CAPN11: variants seen among roughly 807,000 people sequenced by gnomAD.
The protein encoded by CAPN11 is calpain 11.
In CAPN11, 108 loss-of-function variants were observed where a neutral mutation model predicts 105.3. That is an observed-to-expected ratio of 1.03 (90% CI 0.88 to 1.20). The LOEUF is 1.20. CAPN11 is among the 50% of genes most tolerant of loss of function. The pLI, the probability that CAPN11 is intolerant of heterozygous loss-of-function variation, is 0.00. For missense variants in CAPN11, 883 were observed against 924.8 expected (o/e 0.95, Z 0.59); for synonymous variants, 329 against 344.5 (o/e 0.96, Z 0.50).
intron 4 of CAPN11, among the ~76,000 whole-genome samples, chr6:44,171,244 G>A (rs1199458719): frequency 2.0e-5 from 3 of 152,152 alleles, no homozygotes; most frequent in African/African-American, 7.2e-5. Context: ...CCCAGCAAGG[G>A]CTGAGATGCC....
chr6:44,180,582 C>G lies in CAPN11; in HGVS notation c.1681-15C>G, dbSNP rs1333434912. ...GTTTTCTGACCAGGTCCCTTTCCTG[C>G]TCCCCGGCCCCCAGGAAAAGGTCTC... On this transcript the variant is annotated splice_polypyrimidine_tract_variant and intron_variant, in intron 15 of 22. Coordinates refer to ENST00000398776, the MANE Select transcript of CAPN11 (RefSeq NM_007058.4). The G allele has an allele frequency of 1.2e-6, 2 of 1,613,638 alleles. No homozygotes were observed. The highest frequency in any genetic ancestry group is 2.7e-5 in the African/African-American group (2 of 74,852).
intron 4 of CAPN11, among the ~76,000 whole-genome samples, chr6:44,170,283 T>C (rs184940259): frequency 6.6e-5 from 10 of 152,292 alleles, no homozygotes; most frequent in Admixed American, 2.0e-4. Context: ...TATCTCACGG[T>C]TCCTGTGGGT....
Sources: gnomAD v4.1 joint callset for allele counts (sites outside exome capture counted in the v4.1 genomes callset) on GRCh38, gnomAD v4.1.1 for gene constraint, MANE v1.5 for transcripts, NCBI Gene and HGNC (gene_info 2026-07-23, HGNC 2026-07-21) for gene names.